Variants in TMTC3 observed in about 807,000 individuals in gnomAD.
TMTC3 encodes protein O-mannosyl-transferase TMTC3.
A neutral mutation model predicts 92.2 loss-of-function variants in TMTC3; 52 were observed. The observed-to-expected ratio is 0.56, with a 90% CI of 0.45 to 0.71. The LOEUF (loss-of-function observed/expected upper bound fraction) is 0.71. Ranked by LOEUF, TMTC3 falls within the 30% of genes least tolerant of loss-of-function variation. The pLI, the probability that TMTC3 is intolerant of heterozygous loss-of-function variation, is 0.00. For synonymous variants in TMTC3, 339 were observed against 363.3 expected (o/e 0.93, Z 0.76); for missense variants, 896 against 1,057.1 (o/e 0.85, Z 2.11).
chr12:88,154,383 C>A lies in TMTC3; in HGVS notation c.504C>A (p.Ser168=). ...SYTRSKGPDN[S]IIWTPIALTV... is the part of the protein sequence containing the mutation. The stretch of plus-strand genomic sequence containing the variant: ...CCAGATCAAAAGGACCAGACAATTC[C>A]ATAAGTACATGTCTCACATTTGATT... Residue 168 remains serine, a synonymous_variant, in exon 4 of 14, where the codon TCC becomes TCA. Coordinates refer to ENST00000266712, the MANE Select transcript of TMTC3 (RefSeq NM_181783.4). The A allele has an allele frequency of 6.3e-7, 1 of 1,586,628 alleles. No homozygotes were observed.
chr12:88,171,770 G>C (rs947294070), intron 7 of TMTC3, among the ~76,000 whole-genome samples: 1 of 152,014 alleles, frequency 6.6e-6, no homozygotes, highest in Admixed American at 6.6e-5. Flanking sequence ...TTAATTTTTT[G>C]AGAAGCCTTC....
At chr12:88,193,870 A>G (rs1004298263) in intron 13 of TMTC3, among the ~76,000 whole-genome samples, 32 of 152,292 alleles carry the variant, frequency 2.1e-4, no homozygotes, top group African/African-American at 7.5e-4. Context: ...TTGTAATTGT[A>G]GAACTTGAAC....
chr12:88,190,379 G>C (rs567330818), intron 11 of TMTC3, 74 bp from the exon 12 acceptor site: 1 of 1,351,416 alleles, frequency 7.4e-7, no homozygotes, highest in Non-Finnish European at 1.0e-6. Flanking sequence ...TTTTGAATTA[G>C]CCAATAGGAA....
chr12:88,154,470 A>G, intron 4 of TMTC3, 83 bp downstream of exon 4: 1 of 860,094 alleles, frequency 1.2e-6, no homozygotes, highest in South Asian at 1.8e-5. Context: ...GCTTCTTATA[A>G]CACATTATAT....
intron 2 of TMTC3, among the ~76,000 whole-genome samples, chr12:88,152,248 G>A (rs1007219801): frequency 1.3e-5 from 2 of 152,158 alleles, no homozygotes; most frequent in Non-Finnish European, 2.9e-5. Flanking sequence ...TTTACTACCT[G>A]TAGAAGGTGA....
chr12:88,149,050 A>T (rs553285385), intron 2 of TMTC3, among the ~76,000 whole-genome samples: 59 of 152,282 alleles, frequency 3.9e-4, no homozygotes, highest in African/African-American at 1.4e-3. Context: ...ACTTCAATAT[A>T]AATAGATAAG....
chr12:88,186,936 T>A (rs187167164), intron 10 of TMTC3, among the ~76,000 whole-genome samples: 1 of 152,248 alleles, frequency 6.6e-6, no homozygotes, highest in Admixed American at 6.5e-5. Flanking sequence ...CAATGGATAG[T>A]AATTCACCTC....
At chr12:88,144,333 A>G (rs1317716438) in intron 1 of TMTC3, among the ~76,000 whole-genome samples, 3 of 152,032 alleles carry the variant, frequency 2.0e-5, no homozygotes, top group Non-Finnish European at 2.9e-5. Flanking sequence ...AGCACATGTT[A>G]TGTCATACAC....
chr12:88,192,484 A>G, intron 12 of TMTC3, 120 bp from the exon 13 acceptor site: 1 of 626,954 alleles, frequency 1.6e-6, no homozygotes, highest in South Asian at 2.2e-5. Context: ...GAGTTTTTTA[A>G]GAGTCTGAGT....
At chr12:88,183,797 C>G (rs2041345172) in intron 10 of TMTC3, among the ~76,000 whole-genome samples, 1 of 152,078 alleles carries the variant, frequency 6.6e-6, no homozygotes, top group Non-Finnish European at 1.5e-5. Flanking sequence ...GCATTATGTC[C>G]CTTAATTGAG....
At chr12:88,153,146 G>A in intron 2 of TMTC3, 145 bp from the exon 3 acceptor site, 2 of 569,102 alleles carry the variant, frequency 3.5e-6, no homozygotes, top group Non-Finnish European at 6.1e-6. Flanking sequence ...TTATTTTTGT[G>A]TTACTCTTAC....
intron 4 of TMTC3, among the ~76,000 whole-genome samples, chr12:88,159,866 A>C (rs1395138561): frequency 6.6e-6 from 1 of 152,150 alleles, no homozygotes; most frequent in African/African-American, 2.4e-5. Flanking sequence ...CCTTTGTTTT[A>C]AAAGTTAGTA....
chr12:88,145,717 G>T (rs1172527279), intron 1 of TMTC3, among the ~76,000 whole-genome samples: 1 of 152,174 alleles, frequency 6.6e-6, no homozygotes, highest in African/African-American at 2.4e-5. Context: ...TTCACGTGGG[G>T]TGGTAAATCA....
chr12:88,189,046 G>T, intron 11 of TMTC3, 100 bp downstream of exon 11: 1 of 678,618 alleles, frequency 1.5e-6, no homozygotes, highest in Non-Finnish European at 2.5e-6. Context: ...TCAGTTAGTT[G>T]ATATAAAAGT....
intron 6 of TMTC3, among the ~76,000 whole-genome samples, chr12:88,161,799 A>G (rs2041082938): frequency 6.6e-6 from 1 of 151,086 alleles, no homozygotes; most frequent in Non-Finnish European, 1.5e-5. Flanking sequence ...TTTCGAATAT[A>G]TATATAAAAT....
intron 4 of TMTC3, 139 bp from the exon 5 acceptor site, chr12:88,159,975 A>C (rs1469877666): frequency 4.6e-6 from 2 of 439,238 alleles, no homozygotes; most frequent in African/African-American, 4.1e-5. Flanking sequence ...ATTAAATTTA[A>C]GTATATTTTA....
chr12:88,154,723 T>C (rs893209982), intron 4 of TMTC3, among the ~76,000 whole-genome samples: 1 of 152,194 alleles, frequency 6.6e-6, no homozygotes, highest in Non-Finnish European at 1.5e-5. Context: ...TTCAGTTGTC[T>C]TTGGATAAAT....
rs1362617526 is a variant in TMTC3, at chr12:88,195,576, A to G, written c.2672A>G (p.Lys891Arg). 1 of 1,608,306 alleles carries G rather than the reference A, an allele frequency of 6.2e-7. No homozygotes were observed. The highest frequency in any genetic ancestry group is 1.1e-5 in the South Asian group (1 of 89,268). ...ETPHKTTKDIKEIEKKRVAAL... is the reference protein window; with the variant it reads ...ETPHKTTKDIREIEKKRVAAL... ...CCCCACAAAACAACAAAAGACATCA[A>G]AGAAATTGAGAAGAAAAGAGTTGCT... The change falls in exon 14 of 14, where the codon AAA (lysine) becomes AGA (arginine). Residue 891 changes from lysine to arginine, a missense_variant. By Grantham distance (26) the Lys-to-Arg change is conservative (BLOSUM62 2). Transcript: ENST00000266712.
chr12:88,181,750 T>C (rs781207472), intron 10 of TMTC3, among the ~76,000 whole-genome samples: 1 of 152,074 alleles, frequency 6.6e-6, no homozygotes, highest in Non-Finnish European at 1.5e-5. Context: ...AGAAAAGGTC[T>C]CCAGGGCCAA....
Sources: allele counts gnomAD v4.1 joint callset (sites outside exome capture counted in the v4.1 genomes callset), GRCh38; gene constraint gnomAD v4.1.1; transcripts MANE v1.5; gene names NCBI Gene and HGNC (gene_info 2026-07-23, HGNC 2026-07-21).